Variants in RRBP1 observed in about 807,000 individuals in gnomAD.
The protein encoded by RRBP1 is ribosome-binding protein 1.
RRBP1 carries 94 observed loss-of-function variants against 165.2 expected under a neutral mutation model. That is an observed-to-expected ratio of 0.57 (90% CI 0.48 to 0.68). The LOEUF (loss-of-function observed/expected upper bound fraction) is 0.68, where lower values mean the gene tolerates loss of function less well. RRBP1 is among the 30% of genes least tolerant of loss of function. The pLI, the probability that RRBP1 is intolerant of heterozygous loss-of-function variation, is 0.00. For synonymous variants in RRBP1, 680 were observed against 714.5 expected (o/e 0.95, Z 0.77); for missense variants, 1,676 against 1,763.0 (o/e 0.95, Z 0.88).
intron 2 of RRBP1, among the ~76,000 whole-genome samples, chr20:17,665,122 C>A (rs1000571181): frequency 1.3e-5 from 2 of 150,688 alleles, no homozygotes; most frequent in Non-Finnish European, 2.9e-5. Context: ...GGGGGGGGGA[C>A]ACACACACAT....
At chr20:17,678,289 A>G (rs571760577) in intron 2 of RRBP1, among the ~76,000 whole-genome samples, 5 of 152,244 alleles carry the variant, frequency 3.3e-5, no homozygotes, top group Non-Finnish European at 7.3e-5. Context: ...CTTACAAGCC[A>G]TCACTTTCTA....
intron 3 of RRBP1, among the ~76,000 whole-genome samples, chr20:17,654,107 G>A (rs1167367891): frequency 6.6e-6 from 1 of 152,142 alleles, no homozygotes. Context: ...CACCCCAATC[G>A]CTACCCGCTC....
rs902795572 is a variant in RRBP1 at position 17,619,396 on chromosome 20, C to T, written c.3675+237G>A. ...GTCAAACGCCTCCCTCGGGGCAGGGCTGCCTGGCTCTGCCCCTGTCCTGGC... is the reference window on the plus strand; with the variant it reads ...GTCAAACGCCTCCCTCGGGGCAGGGTTGCCTGGCTCTGCCCCTGTCCTGGC... On this transcript the variant is annotated intron_variant, in intron 19 of 24. Transcript: ENST00000377813. 68 of 430,398 alleles carry T rather than the reference C, an allele frequency of 1.6e-4. No homozygotes were observed. The East Asian group carries it at 2.4e-3, about 15-fold the overall frequency. 26.7% of individuals were successfully genotyped at this position (430,398 alleles called of 1,614,324 possible).
At chr20:17,635,493 T>C (rs558428391) in intron 7 of RRBP1, 53 bp downstream of exon 7, 2 of 1,381,284 alleles carry the variant, frequency 1.4e-6, no homozygotes, top group South Asian at 1.2e-5. Flanking sequence ...TCGTGAAGCC[T>C]TCCTCGCTCC....
chr20:17,633,633 C>T lies in RRBP1; in HGVS notation c.2457-20G>A. The T allele has an allele frequency of 3.7e-6, 6 of 1,612,246 alleles. No individual in the cohort carries two copies. Among genetic ancestry groups the T allele is most frequent in the Non-Finnish European group, 5.1e-6 (6 of 1,179,016 alleles). On this transcript the variant is annotated intron_variant, in intron 7 of 24. Coordinates refer to ENST00000377813, the MANE Select transcript of RRBP1 (RefSeq NM_001365613.2). ...TTCTGCCTGCAAGACAGTCACCAGC[C>T]CGACTAATGGAAAGAAAAGGGTGAT... is the stretch of plus-strand genomic sequence containing the variant.
chr20:17,622,031 G>T, intron 13 of RRBP1, 84 bp from the exon 14 acceptor site: 2 of 1,008,482 alleles, frequency 2.0e-6, no homozygotes, highest in South Asian at 1.3e-5. Flanking sequence ...ATATGCCCGG[G>T]TCTCTGCCCC....
At chr20:17,637,317 C>T (rs554477215) in intron 5 of RRBP1, among the ~76,000 whole-genome samples, 97 of 152,244 alleles carry the variant, frequency 6.4e-4, no homozygotes, top group Middle Eastern at 6.8e-3. Flanking sequence ...CTGGGGGGTC[C>T]GGCGTCTCCA....
intron 3 of RRBP1, among the ~76,000 whole-genome samples, chr20:17,651,846 G>A (rs563523525): frequency 2.6e-5 from 4 of 152,322 alleles, no homozygotes; most frequent in East Asian, 1.9e-4. Flanking sequence ...GTAAAAACCC[G>A]CTGCAGGGCC....
rs549585728 is a variant in RRBP1, at chr20:17,636,647, G to A, written c.2267C>T (p.Thr756Met). ...GGCCTGCATGCGTGCCTGCACAGCCGTGATCTCCTGCTCCCGGGCCACCAG... is the reference window on the plus strand; with the variant it reads ...GGCCTGCATGCGTGCCTGCACAGCCATGATCTCCTGCTCCCGGGCCACCAG... ...KQLVAREQEI[T>M]AVQARMQASY... is the part of the protein sequence containing the mutation. The change falls in exon 6 of 25, where the codon ACG (threonine) becomes ATG (methionine). Residue 756 changes from threonine to methionine, a missense_variant. Coordinates refer to ENST00000377813, the MANE Select transcript of RRBP1 (RefSeq NM_001365613.2). 2.5e-5 allele frequency: 41 copies of A among 1,613,180 alleles called. No individual in the cohort carries two copies. The highest frequency in any genetic ancestry group is 1.0e-4 in the Admixed American group (6 of 60,034).
chr20:17,658,765 T>C lies in RRBP1; in HGVS notation c.1743A>G (p.Glu581=), dbSNP rs752423743. The C allele has an allele frequency of 6.2e-7, 1 of 1,612,466 alleles. No individual in the cohort carries two copies. Among genetic ancestry groups the C allele is most frequent in the African/African-American group, 1.3e-5 (1 of 74,878 alleles). ...CCTTTTTGCCTTGGTTGGGGGACCC[T>C]TCTGCCTTTTTGCCTTCACTGGGGG... is the stretch of plus-strand genomic sequence containing the variant. ...EGSPSEGKKA[E]GSPNQGKKAD... Residue 581 remains glutamate, a synonymous_variant, in exon 3 of 25, where the codon GAA becomes GAG. Transcript: ENST00000377813.
At chr20:17,619,086 C>CTTTTT in intron 19 of RRBP1, 1 of 159,614 alleles carries the variant, frequency 6.3e-6, no homozygotes, top group East Asian at 1.7e-4. Flanking sequence ...GTGTGCCTGG[C>CTTTTT]TTTTTTTTTT....
chr20:17,624,699 C>A (rs1236163322), intron 12 of RRBP1, 31 bp from the exon 13 acceptor site: 2 of 1,477,206 alleles, frequency 1.4e-6, no homozygotes, highest in Non-Finnish European at 1.9e-6. Context: ...AGGTCAGCAG[C>A]CTGCACTGGC....
intron 3 of RRBP1, among the ~76,000 whole-genome samples, chr20:17,656,252 G>A (rs1006817540): frequency 6.6e-6 from 1 of 152,192 alleles, no homozygotes; most frequent in Admixed American, 6.5e-5. Flanking sequence ...CTTGCGGGCG[G>A]CATGTTGGTG....
At chr20:17,665,588 G>A (rs906304724) in intron 2 of RRBP1, among the ~76,000 whole-genome samples, 17 of 152,020 alleles carry the variant, frequency 1.1e-4, no homozygotes, top group African/African-American at 4.1e-4. Flanking sequence ...GGCCAGGCTG[G>A]GGTTTATTTA....
At position 17,619,760 on chromosome 20, in the gene RRBP1, C is replaced by T. The variant is rs7274922; in HGVS notation, c.3580-32G>A. ...AGATGCACAGACACGCACACGCATG[C>T]GCCAGCAGCCTCTGCTCAAAGGGCA... On this transcript the variant is annotated intron_variant, in intron 18 of 24. Transcript: ENST00000377813. 439 of 1,506,506 alleles carry T rather than the reference C, an allele frequency of 2.9e-4. 3 individuals carry two copies. In the African/African-American group the frequency reaches 5.2e-3, roughly 18 times the overall value. 93.3% of individuals were successfully genotyped at this position (1,506,506 alleles called of 1,614,324 possible). A position where few individuals can be genotyped will look rare whatever the true frequency, so the allele number is the denominator to read the frequency against.
chr20:17,614,894 G>A lies in RRBP1; in HGVS notation c.4051-14C>T, dbSNP rs1475480426. The A allele has an allele frequency of 1.2e-6, 2 of 1,611,548 alleles. No individual in the cohort carries two copies. Among genetic ancestry groups the A allele is most frequent in the Non-Finnish European group, 8.5e-7 (1 of 1,179,802 alleles). On this transcript the variant is annotated splice_polypyrimidine_tract_variant and intron_variant, in intron 23 of 24. Coordinates refer to ENST00000377813, the MANE Select transcript of RRBP1 (RefSeq NM_001365613.2). ...TTCTAGTCTCTCCTGATGGTCAGAA[G>A]GTTGACGGGCATCAGCCCTTGCACC...
At chr20:17,636,530 G>A in intron 6 of RRBP1, 47 bp downstream of exon 6, 1 of 1,595,010 alleles carries the variant, frequency 6.3e-7, no homozygotes, top group South Asian at 1.1e-5. Flanking sequence ...CCTGGACCTG[G>A]ACTGGGTCCT....
intron 3 of RRBP1, among the ~76,000 whole-genome samples, chr20:17,656,677 G>A (rs2122433434): frequency 6.6e-6 from 1 of 152,216 alleles, no homozygotes; most frequent in East Asian, 1.9e-4. Context: ...AAAATCCACT[G>A]TAAAAAAATC....
At position 17,658,600 on chromosome 20, in the gene RRBP1, C is replaced by A; in HGVS notation, c.1908G>T (p.Glu636Asp). The A allele has an allele frequency of 6.3e-7, 1 of 1,586,930 alleles. No individual in the cohort carries two copies. The stretch of plus-strand genomic sequence containing the variant: ...ATAAAGAAATCAGTTACTTACCAGG[C>A]TCACCTTTTTTCTTTGAACCAGACT... ...KKKSGSKKKG[E>D]PGPPDADGPL... Residue 636 changes from glutamate (E) to aspartate (D), a missense_variant, in exon 3 of 25, where the codon GAG (glutamate) becomes GAT (aspartate). Transcript: ENST00000377813.
Sources: allele counts gnomAD v4.1 joint callset (sites outside exome capture counted in the v4.1 genomes callset), GRCh38; gene constraint gnomAD v4.1.1; transcripts MANE v1.5; gene names NCBI Gene and HGNC (gene_info 2026-07-23, HGNC 2026-07-21).